SLC22A14: variants seen among roughly 807,000 people sequenced by gnomAD.
The protein encoded by SLC22A14 is solute carrier family 22 member 14.
SLC22A14 carries 50 observed loss-of-function variants against 53.9 expected under a neutral mutation model. That is an observed-to-expected ratio of 0.93 (90% confidence interval 0.74 to 1.17). The LOEUF is 1.17. Among genes scored for constraint, SLC22A14 ranks in the 50% most tolerant of loss-of-function variants. The pLI is 0.00. For missense variants in SLC22A14, 671 were observed against 734.7 expected, an observed-to-expected ratio of 0.91 and a Z score of 1.00; for synonymous variants, 312 against 303.0, an observed-to-expected ratio of 1.03 and a Z score of -0.31.
intron 9 of SLC22A14, 24 bp from the exon 10 acceptor site, chr3:38,316,300 A>C: frequency 9.9e-6 from 16 of 1,611,770 alleles, no homozygotes; most frequent in Non-Finnish European, 1.3e-5. Flanking sequence ...GACCCCTCAC[A>C]GGAGCTCTCA....
chr3:38,313,358 T>C, intron 6 of SLC22A14, 30 bp from the exon 7 acceptor site: 6 of 1,565,504 alleles, frequency 3.8e-6, no homozygotes, highest in Non-Finnish European at 5.3e-6. Context: ...GTCTTGGCCC[T>C]GCCTCTGACT....
chr3:38,316,200 G>T (rs1704612717), intron 9 of SLC22A14, 124 bp from the exon 10 acceptor site: 2 of 819,538 alleles, frequency 2.4e-6, no homozygotes, highest in African/African-American at 3.4e-5. Context: ...TGCCTACTTG[G>T]AATCACACAA....
chr3:38,311,163 C>T (rs1342999983), intron 5 of SLC22A14, among the ~76,000 whole-genome samples: 2 of 152,194 alleles, frequency 1.3e-5, no homozygotes, highest in Non-Finnish European at 2.9e-5. Context: ...ATTCAAGACC[C>T]TGTCACTTCC....
In SLC22A14 at chr3:38,291,161, G is replaced by A. The variant is rs1187658681; in HGVS notation, c.-1+8822G>A. Among the ~76,000 whole-genome samples the A allele has an allele frequency of 5.9e-5, 9 of 152,054 alleles. No homozygotes were observed. The East Asian group carries it at 1.7e-3, about 29-fold the overall frequency. ...CTGAATGCTAGTTCCTGGAGTGAGG[G>A]GATTACTTTCAAGTATTTAATTATT... On this transcript the variant is annotated intron_variant, in intron 1 of 10. Transcript: ENST00000448498.
At chr3:38,279,258 G>A (rs1703621302), upstream of SLC22A14, among the ~76,000 whole-genome samples, 1 of 152,168 alleles carries the variant, frequency 6.6e-6, no homozygotes, top group Admixed American at 6.5e-5. Flanking sequence ...GGGAATACTA[G>A]CAAGTCTTTC....
chr3:38,305,930 G>A (rs1434027390), intron 1 of SLC22A14, 97 bp from the exon 2 acceptor site: 2 of 1,271,100 alleles, frequency 1.6e-6, no homozygotes, highest in Non-Finnish European at 2.2e-6. Flanking sequence ...ATTGCTTCAA[G>A]CCAGAGGCCA....
chr3:38,295,448 TC>T (rs1449517809), intron 1 of SLC22A14, among the ~76,000 whole-genome samples: 1 of 152,238 alleles, frequency 6.6e-6, no homozygotes, highest in African/African-American at 2.4e-5. Flanking sequence ...ATTTGGGCCA[TC>T]CGTGGGTTAC....
At chr3:38,308,869 TG>T in intron 4 of SLC22A14, 84 bp from the exon 5 acceptor site, 1 of 1,244,506 alleles carries the variant, frequency 8.0e-7, no homozygotes, top group Non-Finnish European at 1.2e-6. Flanking sequence ...CCAGAGCAGG[TG>T]GGGACACCCA....
chr3:38,313,043 T>G lies in SLC22A14; in HGVS notation c.989T>G (p.Val330Gly), dbSNP rs1575423402. 6.3e-7 allele frequency: 1 copy of G among 1,594,222 alleles called. No homozygotes were observed. Among genetic ancestry groups the G allele is most frequent in the Non-Finnish European group, 8.5e-7 (1 of 1,171,188 alleles). ...CGGTGGCTGATGATGAAAGGGAAGGTGAAGGAGGCCAAGCAGGTGCTGTGC... is the reference window on the plus strand; with the variant it reads ...CGGTGGCTGATGATGAAAGGGAAGGGGAAGGAGGCCAAGCAGGTGCTGTGC... ...SPRWLMMKGKVKEAKQVLCYA... is the reference protein window; with the variant it reads ...SPRWLMMKGKGKEAKQVLCYA... The change falls in exon 6 of 11, where the codon GTG becomes GGG. Residue 330 changes from valine to glycine, a missense_variant. Physicochemically the swap from Val to Gly is moderately radical, Grantham distance 109 (BLOSUM62 -3). Coordinates refer to ENST00000448498, the MANE Select transcript of SLC22A14 (RefSeq NM_001320033.2).
chr3:38,306,261 A>G lies in SLC22A14; in HGVS notation c.235A>G (p.Met79Val), dbSNP rs1559550285. The G allele has an allele frequency of 6.2e-7, 1 of 1,614,166 alleles. No individual in the cohort carries two copies. Among genetic ancestry groups the G allele is most frequent in the Non-Finnish European group, 8.5e-7 (1 of 1,180,028 alleles). Residue 79 changes from methionine (M) to valine (V), a missense_variant, in exon 2 of 11, where the codon ATG (methionine) becomes GTG (valine). Physicochemically the swap from Met to Val is conservative, Grantham distance 21 (BLOSUM62 1). Transcript: ENST00000448498. ...AGCCCTCACCTTTATCCCCAGCATC[A>G]TGTCGGCCTTCTTCATGTTTGCTGA... is the stretch of plus-strand genomic sequence containing the variant. ...LVALTFIPSI[M>V]SAFFMFADHF...
intron 6 of SLC22A14, 87 bp downstream of exon 6, chr3:38,313,206 G>A (rs1250090209): frequency 6.4e-7 from 1 of 1,552,892 alleles, no homozygotes; most frequent in Non-Finnish European, 8.8e-7. Context: ...TGGGACATTG[G>A]TCCAGAGGGT....
chr3:38,284,124 G>C (rs190333185), intron 1 of SLC22A14, among the ~76,000 whole-genome samples: 3 of 152,170 alleles, frequency 2.0e-5, no homozygotes. Context: ...AACAGCAGTC[G>C]CAGTCTGAGA....
At chr3:38,289,890 C>T (rs1703874642) in intron 1 of SLC22A14, among the ~76,000 whole-genome samples, 1 of 152,148 alleles carries the variant, frequency 6.6e-6, no homozygotes, top group South Asian at 2.1e-4. Flanking sequence ...AACAGAGCTC[C>T]CATACAAAGG....
At position 38,295,017 on chromosome 3, in the gene SLC22A14, C is replaced by T. The variant is rs565613107; in HGVS notation, c.1-11010C>T. On this transcript the variant is annotated intron_variant, in intron 1 of 10. Transcript: ENST00000448498. Reference sequence around the variant, plus strand: ...CTTGGCTGAGTGCAAACAGATCCAACGTTTGAGCAGACCAATTATTAGGCA... The same window carrying T: ...CTTGGCTGAGTGCAAACAGATCCAATGTTTGAGCAGACCAATTATTAGGCA... 1.2e-3 allele frequency among the ~76,000 whole-genome samples: 183 copies of T among 152,322 alleles called. 1 individual carries two copies. The highest frequency in any genetic ancestry group is 4.0e-3 in the African/African-American group (167 of 41,572).
At chr3:38,298,953 TC>T (rs1704102936) in intron 1 of SLC22A14, among the ~76,000 whole-genome samples, 1 of 152,226 alleles carries the variant, frequency 6.6e-6, no homozygotes. Context: ...ACACATAGTT[TC>T]AGAACTGCAA....
chr3:38,307,878 G>T lies in SLC22A14; in HGVS notation c.775+158G>T. The T allele has an allele frequency of 2.7e-6, 2 of 749,284 alleles. No individual in the cohort carries two copies. The highest frequency in any genetic ancestry group is 4.4e-6 in the Non-Finnish European group (2 of 457,754). 46.4% of individuals were successfully genotyped at this position (749,284 alleles called of 1,614,324 possible). A position where few individuals can be genotyped will look rare whatever the true frequency, so the allele number is the denominator to read the frequency against. ...GAGGGCATGGCGGGGGTGTGGCAGC[G>T]TGGGCATCTGCTGGGATCCCACAGG... is the stretch of plus-strand genomic sequence containing the variant. On this transcript the variant is annotated intron_variant, in intron 4 of 10. Coordinates refer to ENST00000448498, the MANE Select transcript of SLC22A14 (RefSeq NM_001320033.2). The surrounding 1 kb of genome is among the most constrained non-coding windows in gnomAD (Gnocchi z 4.4).
chr3:38,310,943 G>C (rs1486852267), intron 5 of SLC22A14, among the ~76,000 whole-genome samples: 1 of 152,120 alleles, frequency 6.6e-6, no homozygotes, highest in African/African-American at 2.4e-5. Context: ...TCAAACTCCA[G>C]GTGGCACATA....
intron 1 of SLC22A14, chr3:38,303,754 T>A (rs1050245453): frequency 2.0e-5 from 3 of 152,190 alleles, no homozygotes; most frequent in Non-Finnish European, 4.4e-5. Context: ...ATTTTCCTTC[T>A]TATCTTTCAT....
chr3:38,299,171 G>C (rs1024002409), intron 1 of SLC22A14, among the ~76,000 whole-genome samples: 29 of 152,058 alleles, frequency 1.9e-4, no homozygotes, highest in African/African-American at 6.5e-4. Context: ...TTACTTCTTT[G>C]TACTGGTTGG....
Sources: allele counts gnomAD v4.1 joint callset (sites outside exome capture counted in the v4.1 genomes callset), GRCh38; gene constraint gnomAD v4.1.1; non-coding constraint Gnocchi (gnomAD v3.1); transcripts MANE v1.5; gene names NCBI Gene and HGNC (gene_info 2026-07-23, HGNC 2026-07-21).